Variants in TAFA5 observed in about 807,000 individuals in gnomAD.
The protein encoded by TAFA5 is TAFA chemokine like family member 5.
TAFA5 carries 6 observed loss-of-function variants against 15.3 expected under a neutral mutation model. That is an observed-to-expected ratio of 0.39 (90% CI 0.21 to 0.77). The LOEUF (loss-of-function observed/expected upper bound fraction) is 0.77, where lower values mean the gene tolerates loss of function less well. Among genes scored for constraint, TAFA5 ranks in the 30% least tolerant of loss-of-function variants. The pLI, the probability that TAFA5 is intolerant of heterozygous loss-of-function variation, is 0.41. For synonymous variants in TAFA5, 103 were observed against 80.7 expected (o/e 1.28, Z -1.48); for missense variants, 161 against 193.1 (o/e 0.83, Z 0.98).
chr22:48,608,107 C>T (rs1344430667), intron 1 of TAFA5, among the ~76,000 whole-genome samples: 1 of 151,764 alleles, frequency 6.6e-6, no homozygotes, highest in Non-Finnish European at 1.5e-5. Context: ...GCTGCCAGCC[C>T]CTCCCACGGC....
intron 1 of TAFA5, among the ~76,000 whole-genome samples, chr22:48,596,369 G>C (rs1256319172): frequency 6.6e-6 from 1 of 152,198 alleles, no homozygotes; most frequent in Non-Finnish European, 1.5e-5. Flanking sequence ...AGGGACACCA[G>C]CCCCCTCCCG....
intron 2 of TAFA5, among the ~76,000 whole-genome samples, chr22:48,679,072 C>G (rs1446057982): frequency 1.5e-5 from 2 of 137,536 alleles, no homozygotes; most frequent in Admixed American, 7.1e-5. Context: ...TCTCCCGTCT[C>G]CCTGTCCATC....
At chr22:48,523,500 T>G (rs1332617615) in intron 1 of TAFA5, among the ~76,000 whole-genome samples, 2 of 152,190 alleles carry the variant, frequency 1.3e-5, no homozygotes, top group Non-Finnish European at 2.9e-5. Context: ...GGGCCTCTGC[T>G]TCTGGGAGCC....
intron 1 of TAFA5, among the ~76,000 whole-genome samples, chr22:48,571,849 A>G (rs73173415): frequency 0.035 from 5,296 of 151,876 alleles, 115 homozygotes; most frequent in Non-Finnish European, 0.055. Context: ...TCACCTTTCT[A>G]TGTGCTCTCC....
intron 2 of TAFA5, among the ~76,000 whole-genome samples, chr22:48,669,517 T>C (rs1601658243): frequency 6.6e-6 from 1 of 152,210 alleles, no homozygotes; most frequent in East Asian, 1.9e-4. Context: ...GGTGAATGAG[T>C]GACCCTGAAG....
intron 1 of TAFA5, among the ~76,000 whole-genome samples, chr22:48,591,071 T>C (rs1393551954): frequency 1.3e-5 from 2 of 152,166 alleles, no homozygotes; most frequent in Non-Finnish European, 1.5e-5. Context: ...GGGTTGGTCT[T>C]GAACTCCTGA....
rs143967894 is a variant in TAFA5, at chr22:48,636,742, T to G, written c.113-9855T>G. 3.7e-3 allele frequency among the ~76,000 whole-genome samples: 567 copies of G among 152,316 alleles called. 4 individuals are homozygous for G. Among genetic ancestry groups the G allele is most frequent in the African/African-American group, 0.013 (540 of 41,594 alleles). ...GGGCTGCTGCTGTGAAGCCTGGAGATGGCTGGGCCTGAGGCCTGCAGCTTG... is the reference window on the plus strand; with the variant it reads ...GGGCTGCTGCTGTGAAGCCTGGAGAGGGCTGGGCCTGAGGCCTGCAGCTTG... On this transcript the variant is annotated intron_variant, in intron 1 of 3. Coordinates refer to ENST00000402357, the MANE Select transcript of TAFA5 (RefSeq NM_001082967.3).
At position 48,595,578 on chromosome 22, in the gene TAFA5, G is replaced by A. The variant is rs567047469; in HGVS notation, c.113-51019G>A. Among the ~76,000 whole-genome samples, 115 of 152,358 alleles carry A rather than the reference G, an allele frequency of 7.5e-4. No homozygotes were observed. The Middle Eastern group carries it at 0.014, about 18-fold the overall frequency. On this transcript the variant is annotated intron_variant, in intron 1 of 3. Coordinates refer to ENST00000402357, the MANE Select transcript of TAFA5 (RefSeq NM_001082967.3). The stretch of plus-strand genomic sequence containing the variant: ...GAGGCCACCAAGAGACCCTGCATCC[G>A]TTCCGTGGACAAGCCACAATAAGGG...
At chr22:48,603,472 T>C (rs1192819938) in intron 1 of TAFA5, among the ~76,000 whole-genome samples, 1 of 152,210 alleles carries the variant, frequency 6.6e-6, no homozygotes, top group Non-Finnish European at 1.5e-5. Context: ...CCCTGCCTGC[T>C]GGTGGAAGAT....
At chr22:48,513,079 G>A (rs1921281348) in intron 1 of TAFA5, among the ~76,000 whole-genome samples, 1 of 152,166 alleles carries the variant, frequency 6.6e-6, no homozygotes, top group Non-Finnish European at 1.5e-5. Flanking sequence ...CAGCCACTCT[G>A]GGGTGCGTTT....
chr22:48,710,547 G>T (rs1009052874), intron 3 of TAFA5, among the ~76,000 whole-genome samples: 2 of 152,128 alleles, frequency 1.3e-5, no homozygotes, highest in African/African-American at 4.8e-5. Flanking sequence ...CGCCCAAGCA[G>T]CCTGCCGCGT....
intron 1 of TAFA5, among the ~76,000 whole-genome samples, chr22:48,638,351 TACC>T (rs779854439): frequency 5.5e-4 from 6 of 10,874 alleles, no homozygotes; most frequent in Non-Finnish European, 6.4e-4. Context: ...ACACAGGCAA[TACC>T]ACCCCCCCCC....
At chr22:48,529,087 CT>C (rs1921874056) in intron 1 of TAFA5, among the ~76,000 whole-genome samples, 1 of 152,198 alleles carries the variant, frequency 6.6e-6, no homozygotes, top group Non-Finnish European at 1.5e-5. Flanking sequence ...CTTAAACCAC[CT>C]TCACATTTGA....
At chr22:48,610,298 C>G (rs77738845) in intron 1 of TAFA5, among the ~76,000 whole-genome samples, 3 of 152,342 alleles carry the variant, frequency 2.0e-5, no homozygotes, top group East Asian at 3.9e-4. Flanking sequence ...CAGTCTTGCC[C>G]GTTGCTCGTG....
At chr22:48,734,867 C>CTCT (rs1569098620) in intron 3 of TAFA5, among the ~76,000 whole-genome samples, 1 of 152,196 alleles carries the variant, frequency 6.6e-6, no homozygotes, top group African/African-American at 2.4e-5. Context: ...CCAAGTTGGA[C>CTCT]TCTTACCTCA....
At chr22:48,587,250 G>T (rs936394066) in intron 1 of TAFA5, among the ~76,000 whole-genome samples, 1 of 152,190 alleles carries the variant, frequency 6.6e-6, no homozygotes, top group Non-Finnish European at 1.5e-5. Context: ...CTGTGGGCAC[G>T]AGTTCTGGAG....
At chr22:48,727,521 A>C (rs903356346) in intron 3 of TAFA5, among the ~76,000 whole-genome samples, 1 of 152,250 alleles carries the variant, frequency 6.6e-6, no homozygotes. Flanking sequence ...ACACTTGTGC[A>C]TGTATGTAAA....
intron 2 of TAFA5, among the ~76,000 whole-genome samples, chr22:48,647,392 GCTGTCCCGGCGTCTGGTGGGAGC>G (rs1569062847): frequency 1.3e-5 from 2 of 152,124 alleles, no homozygotes; most frequent in African/African-American, 4.8e-5. Context: ...GGCGGGAGGG[GCTGTCCCGGCGTCTGGTGGGAGC>G]CTGTCATCTG....
intron 1 of TAFA5, among the ~76,000 whole-genome samples, chr22:48,631,360 G>C (rs940705616): frequency 6.6e-6 from 1 of 152,228 alleles, no homozygotes; most frequent in Non-Finnish European, 1.5e-5. Context: ...ACACACGCCT[G>C]CCCGGCCTTT....
Sources: allele counts gnomAD v4.1 joint callset (sites outside exome capture counted in the v4.1 genomes callset), GRCh38; gene constraint gnomAD v4.1.1; transcripts MANE v1.5; gene names NCBI Gene and HGNC (gene_info 2026-07-23, HGNC 2026-07-21).